THSD7B: variants seen among roughly 807,000 people sequenced by gnomAD.
The protein encoded by THSD7B is thrombospondin type 1 domain containing 7B, also known as thrombospondin type-1 domain-containing protein 7B.
In THSD7B, 138 loss-of-function variants were observed where a neutral mutation model predicts 213.6. The observed-to-expected ratio is 0.65, with a 90% CI of 0.56 to 0.74. The LOEUF is 0.74. Ranked by LOEUF, THSD7B falls within the 30% of genes least tolerant of loss-of-function variation. The pLI, the probability that THSD7B is intolerant of heterozygous loss-of-function variation, is 0.00. For missense variants in THSD7B, 1,931 were observed against 1,991.5 expected (o/e 0.97, Z 0.58); for synonymous variants, 742 against 687.0 (o/e 1.08, Z -1.25).
chr2:137,309,628 G>A (rs528062169), intron 12 of THSD7B, among the ~76,000 whole-genome samples: 4 of 152,090 alleles, frequency 2.6e-5, no homozygotes, highest in African/African-American at 9.6e-5. Flanking sequence ...CTAGCATTAG[G>A]TATATCTCCC....
chr2:137,250,534 C>T (rs1193568879), intron 10 of THSD7B, among the ~76,000 whole-genome samples: 2 of 152,120 alleles, frequency 1.3e-5, no homozygotes, highest in Non-Finnish European at 2.9e-5. Context: ...GGTTGCAAAA[C>T]TAACATTAAT....
intron 4 of THSD7B, among the ~76,000 whole-genome samples, chr2:137,101,034 T>C (rs1447604255): frequency 6.6e-6 from 1 of 152,214 alleles, no homozygotes; most frequent in Non-Finnish European, 1.5e-5. Context: ...ATTAGTTTTC[T>C]TTTTGTTGTC....
chr2:136,973,912 G>A (rs1350412571), intron 2 of THSD7B, among the ~76,000 whole-genome samples: 2 of 152,228 alleles, frequency 1.3e-5, no homozygotes, highest in Middle Eastern at 3.4e-3. Context: ...ACTATCATGC[G>A]ATAATGCATT....
At chr2:137,004,340 C>CACACAA (rs1553463957) in intron 2 of THSD7B, among the ~76,000 whole-genome samples, 46 of 145,982 alleles carry the variant, frequency 3.2e-4, no homozygotes, top group Non-Finnish European at 5.6e-4. Flanking sequence ...CACACACACA[C>CACACAA]ACACACAAAC....
chr2:137,425,680 A>C (rs56330219), intron 14 of THSD7B, among the ~76,000 whole-genome samples: 1 of 152,104 alleles, frequency 6.6e-6, no homozygotes, highest in African/African-American at 2.4e-5. Context: ...GATTGTATTT[A>C]AAAAAGTCAA....
intron 17 of THSD7B, among the ~76,000 whole-genome samples, chr2:137,582,655 C>A (rs961043586): frequency 2.2e-4 from 34 of 152,172 alleles, no homozygotes; most frequent in Non-Finnish European, 4.6e-4. Flanking sequence ...CACATCCCTA[C>A]AAAGGACATG....
At chr2:137,452,082 A>G (rs1687663561) in intron 15 of THSD7B, 1 of 937,992 alleles carries the variant, frequency 1.1e-6, no homozygotes, top group Non-Finnish European at 1.3e-6. Flanking sequence ...CAATCTCTTT[A>G]GCTATTTTTT....
chr2:137,121,789 T>C (rs944244199), intron 5 of THSD7B, among the ~76,000 whole-genome samples: 5 of 152,218 alleles, frequency 3.3e-5, no homozygotes, highest in African/African-American at 1.2e-4. Context: ...GAATTCAAAA[T>C]GGAAACTCTT....
intron 12 of THSD7B, among the ~76,000 whole-genome samples, chr2:137,293,395 C>A (rs746358889): frequency 1.3e-5 from 2 of 152,016 alleles, no homozygotes; most frequent in Non-Finnish European, 2.9e-5. Context: ...GCCTTGGCCT[C>A]CCCGAAGTGC....
At chr2:137,295,752 G>A (rs1199867174) in intron 12 of THSD7B, among the ~76,000 whole-genome samples, 1 of 152,066 alleles carries the variant, frequency 6.6e-6, no homozygotes, top group African/African-American at 2.4e-5. Context: ...GGGATTACAG[G>A]CATGAGCCAC....
At chr2:137,541,187 A>G (rs984756844) in intron 15 of THSD7B, among the ~76,000 whole-genome samples, 34 of 151,742 alleles carry the variant, frequency 2.2e-4, no homozygotes, top group African/African-American at 8.2e-4. Context: ...AACTAAACAA[A>G]TAACAATAAC....
intron 12 of THSD7B, among the ~76,000 whole-genome samples, chr2:137,285,117 G>A (rs1683137618): frequency 6.6e-6 from 1 of 152,132 alleles, no homozygotes; most frequent in Non-Finnish European, 1.5e-5. Flanking sequence ...AGGATAGTTA[G>A]TTCTTCTTGT....
At chr2:137,187,819 C>T (rs530648901) in intron 7 of THSD7B, among the ~76,000 whole-genome samples, 3 of 152,228 alleles carry the variant, frequency 2.0e-5, no homozygotes, top group Middle Eastern at 3.4e-3. Flanking sequence ...ATGTATACTT[C>T]ATTTTTTCTC....
In THSD7B at chr2:137,465,934, G is replaced by C. The variant is rs79541929; in HGVS notation, c.3138+14911G>C. On this transcript the variant is annotated intron_variant, in intron 15 of 27. Transcript: ENST00000409968. ...ACCTGATGGCTGTGTATATTCCTCT[G>C]AATATGTGGAAAAATAAAATATAAG... is the stretch of plus-strand genomic sequence containing the variant. Among the ~76,000 whole-genome samples the C allele has an allele frequency of 8.6e-3, 1,309 of 152,212 alleles. 27 individuals are homozygous for C. Among genetic ancestry groups the C allele is most frequent in the African/African-American group, 0.031 (1,269 of 41,538 alleles).
chr2:136,854,444 T>C lies in THSD7B; in HGVS notation c.-35-27700T>C, dbSNP rs1482002727. 2.6e-5 allele frequency among the ~76,000 whole-genome samples: 4 copies of C among 151,936 alleles called. No individual in the cohort carries two copies. In the East Asian group the frequency reaches 5.8e-4, roughly 22 times the overall value. On this transcript the variant is annotated intron_variant, in intron 1 of 27. Transcript: ENST00000409968. ...TTGCTTCATAAGTGGGCACATTTCC[T>C]TAACTACACAACTTTCTAACCACCC... is the stretch of plus-strand genomic sequence containing the variant.
intron 1 of THSD7B, among the ~76,000 whole-genome samples, chr2:136,823,926 C>A (rs540449509): frequency 6.6e-6 from 1 of 152,146 alleles, no homozygotes; most frequent in African/African-American, 2.4e-5. Flanking sequence ...GGATTCCTAC[C>A]CTGAACATTT....
chr2:137,439,514 A>G (rs1687356892), intron 14 of THSD7B, among the ~76,000 whole-genome samples: 1 of 103,398 alleles, frequency 9.7e-6, no homozygotes, highest in Admixed American at 1.1e-4. Context: ...TCAATTGCAG[A>G]CAACAGAAGT....
intron 1 of THSD7B, among the ~76,000 whole-genome samples, chr2:136,827,633 C>CA (rs1423450117): frequency 6.6e-6 from 1 of 152,124 alleles, no homozygotes; most frequent in Admixed American, 6.6e-5. Context: ...AGAAGCTCTT[C>CA]AGTGGTTTGG....
chr2:136,957,371 C>T (rs1685143830), intron 2 of THSD7B, among the ~76,000 whole-genome samples: 1 of 151,262 alleles, frequency 6.6e-6, no homozygotes, highest in African/African-American at 2.4e-5. Flanking sequence ...GTCCTGAGGG[C>T]ACTGTATGAG....
Sources: allele counts gnomAD v4.1 joint callset (sites outside exome capture counted in the v4.1 genomes callset), GRCh38; gene constraint gnomAD v4.1.1; transcripts MANE v1.5; gene names NCBI Gene and HGNC (gene_info 2026-07-23, HGNC 2026-07-21).